Variants in IL36B observed in about 807,000 individuals in gnomAD.
IL36B encodes the protein interleukin 36 beta, also known as interleukin-36 beta.
IL36B carries 23 observed loss-of-function variants against 19.3 expected under a neutral mutation model. That is an observed-to-expected ratio of 1.19 (90% CI 0.86 to 1.69). The LOEUF (loss-of-function observed/expected upper bound fraction) is 1.69, where lower values mean the gene tolerates loss of function less well. IL36B is among the 40% of genes most tolerant of loss of function. The pLI is 0.00. For synonymous variants in IL36B, 59 were observed against 59.7 expected, an observed-to-expected ratio of 0.99 and a Z score of 0.05; for missense variants, 217 against 200.5, an observed-to-expected ratio of 1.08 and a Z score of -0.50.
chr2:113,037,580 C>T (rs1302532941), intron 1 of IL36B, among the ~76,000 whole-genome samples: 3 of 151,366 alleles, frequency 2.0e-5, no homozygotes, highest in South Asian at 2.1e-4. Flanking sequence ...ACCCAGGAGG[C>T]GGAGGTTGCG....
intron 1 of IL36B, among the ~76,000 whole-genome samples, chr2:113,043,356 T>C (rs1050658741): frequency 7.2e-5 from 11 of 152,220 alleles, no homozygotes; most frequent in South Asian, 2.1e-4. Flanking sequence ...AATCTTTGCT[T>C]AATAGAATGA....
At chr2:113,026,658 A>G (rs1323274017) in intron 4 of IL36B, among the ~76,000 whole-genome samples, 1 of 152,218 alleles carries the variant, frequency 6.6e-6, no homozygotes, top group Non-Finnish European at 1.5e-5. Context: ...CACAAAATGG[A>G]CAACTGGCTT....
At chr2:113,051,131 C>G (rs35893205) in intron 1 of IL36B, among the ~76,000 whole-genome samples, 5 of 152,172 alleles carry the variant, frequency 3.3e-5, no homozygotes, top group African/African-American at 1.2e-4. Flanking sequence ...GATCCTGGCC[C>G]GGCACACTGA....
At chr2:113,049,251 A>C (rs2105058811) in intron 1 of IL36B, among the ~76,000 whole-genome samples, 1 of 152,360 alleles carries the variant, frequency 6.6e-6, no homozygotes, top group Non-Finnish European at 1.5e-5. Flanking sequence ...ATATAGCACC[A>C]AAAAATAGGC....
chr2:113,040,108 AT>A (rs1243659161), intron 1 of IL36B, among the ~76,000 whole-genome samples: 1 of 152,260 alleles, frequency 6.6e-6, no homozygotes, highest in African/African-American at 2.4e-5. Flanking sequence ...CAATGCTGAA[AT>A]TGTCCAGACA....
intron 5 of IL36B, among the ~76,000 whole-genome samples, chr2:113,023,299 GA>G (rs1684894966): frequency 6.6e-6 from 1 of 152,180 alleles, no homozygotes; most frequent in South Asian, 2.1e-4. Context: ...TATTGATCCT[GA>G]CACTTCCTTT....
At chr2:113,024,066 G>C (rs1228294839) in intron 5 of IL36B, among the ~76,000 whole-genome samples, 4 of 152,176 alleles carry the variant, frequency 2.6e-5, no homozygotes, top group African/African-American at 9.7e-5. Context: ...AGCATGTAGG[G>C]ATCTCTGAAA....
chr2:113,046,117 C>A (rs927919215), intron 1 of IL36B, among the ~76,000 whole-genome samples: 1 of 151,904 alleles, frequency 6.6e-6, no homozygotes, highest in Non-Finnish European at 1.5e-5. Flanking sequence ...TAACATTTTA[C>A]ATTTGTTTTG....
chr2:113,042,698 G>C (rs1685281088), intron 1 of IL36B, among the ~76,000 whole-genome samples: 1 of 152,162 alleles, frequency 6.6e-6, no homozygotes, highest in South Asian at 2.1e-4. Context: ...GTTTTTAATA[G>C]AAATTTGGTT....
intron 1 of IL36B, among the ~76,000 whole-genome samples, chr2:113,050,794 G>A (rs12995447): frequency 0.38 from 58,021 of 152,106 alleles, 11,503 homozygotes; most frequent in South Asian, 0.57. Context: ...TGAGAAAGCC[G>A]AGGAGAGCTG....
At chr2:113,044,258 ATATGTGTGTGTGTGTGTG>A (rs1416595563) in intron 1 of IL36B, among the ~76,000 whole-genome samples, 4 of 131,280 alleles carry the variant, frequency 3.0e-5, no homozygotes, top group African/African-American at 1.2e-4. Context: ...ATCTATATCT[ATATGTGTGTGTGTGTGTG>A]TGTGTGTGTG....
At chr2:113,027,976 C>T (rs377384362) in intron 4 of IL36B, 1 of 1,613,962 alleles carries the variant, frequency 6.2e-7, no homozygotes, top group African/African-American at 1.3e-5. Context: ...GATGGGCTGT[C>T]CTGATGTGGT....
intron 1 of IL36B, among the ~76,000 whole-genome samples, chr2:113,034,496 A>ATTTT (rs1212045316): frequency 6.6e-6 from 1 of 151,802 alleles, no homozygotes; most frequent in African/African-American, 2.4e-5. Flanking sequence ...CTATTTATTT[A>ATTTT]TTTATTATCT....
Position 113,022,591 on chromosome 2 carries a change from T to C in IL36B, c.*83A>G. The C allele has an allele frequency of 2.2e-6, 2 of 889,302 alleles. No individual in the cohort carries two copies. The highest frequency in any genetic ancestry group is 3.7e-6 in the Non-Finnish European group (2 of 542,596). The allele number at this position is 889,302 out of a possible 1,614,324, so 55.1% of individuals were successfully genotyped here. On this transcript the variant is annotated 3_prime_UTR_variant, in exon 6 of 6. Transcript: ENST00000259213. ...GAACCCAAGAAAAGAGAAAAATTTCTGCAACTTATTCCATTTGTAGCATTT... is the reference window on the plus strand; with the variant it reads ...GAACCCAAGAAAAGAGAAAAATTTCCGCAACTTATTCCATTTGTAGCATTT...
chr2:113,022,817 G>T (rs1684886539), intron 5 of IL36B: 3 of 1,349,900 alleles, frequency 2.2e-6, no homozygotes, highest in Non-Finnish European at 2.1e-6. Context: ...TTAGCAAGAT[G>T]TGGACATTTG....
At position 113,026,229 on chromosome 2, in the gene IL36B, G is replaced by T; in HGVS notation, c.265C>A (p.Gln89Lys). Reference sequence around the variant, plus strand: ...TTCCCTATGTTATCTTGGGAGCCCTGAAGCTGGAAGAGAGAAATGTTCAAT... The same window carrying T: ...TTCCCTATGTTATCTTGGGAGCCCTTAAGCTGGAAGAGAGAAATGTTCAAT... The change falls in exon 5 of 6, where the codon CAG becomes AAG. Residue 89 changes from glutamine to lysine, a missense_variant. Transcript: ENST00000259213. 6.2e-7 allele frequency: 1 copy of T among 1,613,652 alleles called. No homozygotes were observed.
At chr2:113,047,489 A>T (rs752627625) in intron 1 of IL36B, among the ~76,000 whole-genome samples, 2 of 152,176 alleles carry the variant, frequency 1.3e-5, no homozygotes, top group Non-Finnish European at 2.9e-5. Flanking sequence ...AGTGTAATTA[A>T]GGCTCTTGGC....
chr2:113,023,615 T>A (rs1684900844), intron 5 of IL36B, among the ~76,000 whole-genome samples: 1 of 152,224 alleles, frequency 6.6e-6, no homozygotes, highest in Non-Finnish European at 1.5e-5. Context: ...GTCTCATTTT[T>A]AATTGCATCC....
intron 1 of IL36B, among the ~76,000 whole-genome samples, chr2:113,045,208 T>C (rs1685329656): frequency 6.6e-6 from 1 of 152,212 alleles, no homozygotes; most frequent in African/African-American, 2.4e-5. Context: ...ATTTATTTCA[T>C]CTTAATTTTG....
Sources: gnomAD v4.1 joint callset for allele counts (sites outside exome capture counted in the v4.1 genomes callset) on GRCh38, gnomAD v4.1.1 for gene constraint, MANE v1.5 for transcripts, NCBI Gene and HGNC (gene_info 2026-07-23, HGNC 2026-07-21) for gene names.